ADGRA3: variants seen among roughly 807,000 people sequenced by gnomAD.
The protein encoded by ADGRA3 is adhesion G protein-coupled receptor A3.
Under a neutral mutation model 119.8 loss-of-function variants are expected in ADGRA3, and 56 were observed. The ratio of observed to expected loss-of-function variants is 0.47; its 90% CI spans 0.38 to 0.58. The LOEUF is 0.58. Among genes scored for constraint, ADGRA3 ranks in the 20% least tolerant of loss-of-function variants. ADGRA3 has a pLI of 0.00. For synonymous variants in ADGRA3, 607 were observed against 623.8 expected (o/e 0.97, Z 0.40); for missense variants, 1,516 against 1,649.0 (o/e 0.92, Z 1.40).
intron 1 of ADGRA3, among the ~76,000 whole-genome samples, chr4:22,489,725 C>A (rs1221476544): frequency 6.6e-6 from 1 of 152,156 alleles, no homozygotes; most frequent in East Asian, 1.9e-4. Context: ...GTTTCAATAT[C>A]TTTCCTACAG....
At chr4:22,487,641 G>T (rs1040089712) in intron 1 of ADGRA3, among the ~76,000 whole-genome samples, 1 of 152,102 alleles carries the variant, frequency 6.6e-6, no homozygotes, top group Non-Finnish European at 1.5e-5. Flanking sequence ...TCTAAAGTTG[G>T]AAACACTACA....
chr4:22,441,659 A>G (rs981936646), intron 7 of ADGRA3, among the ~76,000 whole-genome samples: 1 of 152,296 alleles, frequency 6.6e-6, no homozygotes, highest in Non-Finnish European at 1.5e-5. Context: ...TCAGACCTAT[A>G]AACAATACTT....
intron 12 of ADGRA3, chr4:22,414,413 T>C: frequency 2.1e-6 from 1 of 466,074 alleles, no homozygotes; most frequent in Non-Finnish European, 3.8e-6. Context: ...GACTGATCAC[T>C]GAATTTTTTC....
At chr4:22,460,283 A>G (rs994088075) in intron 3 of ADGRA3, among the ~76,000 whole-genome samples, 3 of 152,176 alleles carry the variant, frequency 2.0e-5, no homozygotes, top group Non-Finnish European at 4.4e-5. Flanking sequence ...CACCCAAAAC[A>G]TGTCATGTTG....
At chr4:22,510,309 G>A (rs1407797508) in intron 1 of ADGRA3, among the ~76,000 whole-genome samples, 1 of 152,090 alleles carries the variant, frequency 6.6e-6, no homozygotes, top group Non-Finnish European at 1.5e-5. Context: ...CAGACTCCTG[G>A]CCATCAAATC....
At chr4:22,412,470 T>C (rs908757301) in intron 14 of ADGRA3, among the ~76,000 whole-genome samples, 1 of 152,108 alleles carries the variant, frequency 6.6e-6, no homozygotes, top group Non-Finnish European at 1.5e-5. Context: ...CTAAAACTTT[T>C]CAAAGAAAAT....
chr4:22,396,862 T>A (rs1299852217), intron 16 of ADGRA3, among the ~76,000 whole-genome samples: 1 of 152,140 alleles, frequency 6.6e-6, no homozygotes, highest in Admixed American at 6.6e-5. Context: ...TGGTAGAAAA[T>A]TCCACTCAGG....
Position 22,471,613 on chromosome 4 carries a change from T to C in ADGRA3, c.329+2159A>G, listed in dbSNP as rs2306138. On this transcript the variant is annotated intron_variant, in intron 2 of 18. Coordinates refer to ENST00000334304, the MANE Select transcript of ADGRA3 (RefSeq NM_145290.4). Reference sequence around the variant, plus strand: ...GCCAGGACTCCGGTCTGGACCTTGATGTGTGTGTACTTTGGATGTGCTGAG... The same window carrying C: ...GCCAGGACTCCGGTCTGGACCTTGACGTGTGTGTACTTTGGATGTGCTGAG... Among the ~76,000 whole-genome samples, 1,394 of 152,284 alleles carry C rather than the reference T, an allele frequency of 9.2e-3. 39 individuals carry two copies. Among genetic ancestry groups the C allele is most frequent in the East Asian group, 0.052 (266 of 5,162 alleles).
intron 11 of ADGRA3, among the ~76,000 whole-genome samples, chr4:22,422,947 C>A (rs1715768303): frequency 6.6e-6 from 1 of 152,136 alleles, no homozygotes; most frequent in South Asian, 2.1e-4. Flanking sequence ...GTAATCCCAG[C>A]ACTTTTGGGA....
intron 1 of ADGRA3, among the ~76,000 whole-genome samples, chr4:22,481,160 T>C (rs1018916878): frequency 1.2e-4 from 18 of 152,182 alleles, no homozygotes; most frequent in African/African-American, 2.7e-4. Context: ...TGCTACAACA[T>C]TGTTTATCAA....
At chr4:22,409,547 G>C (rs187670286) in intron 14 of ADGRA3, among the ~76,000 whole-genome samples, 5 of 152,152 alleles carry the variant, frequency 3.3e-5, no homozygotes, top group Admixed American at 3.3e-4. Flanking sequence ...CATCTGTACA[G>C]TGGGGGTGAT....
chr4:22,405,050 C>T (rs1296462637), intron 14 of ADGRA3, among the ~76,000 whole-genome samples: 2 of 152,098 alleles, frequency 1.3e-5, no homozygotes, highest in African/African-American at 4.8e-5. Context: ...AGTTACCTCA[C>T]TGTAAAATGG....
intron 1 of ADGRA3, among the ~76,000 whole-genome samples, chr4:22,495,107 C>T (rs981852439): frequency 6.6e-6 from 1 of 151,996 alleles, no homozygotes; most frequent in African/African-American, 2.4e-5. Context: ...CTATTGTACT[C>T]TCTTCACCCT....
chr4:22,412,837 G>A (rs1340324486), intron 14 of ADGRA3, among the ~76,000 whole-genome samples: 1 of 152,126 alleles, frequency 6.6e-6, no homozygotes, highest in African/African-American at 2.4e-5. Flanking sequence ...TACTCACTGT[G>A]TATCCTTCGG....
At chr4:22,499,025 A>T (rs886667580) in intron 1 of ADGRA3, among the ~76,000 whole-genome samples, 2 of 152,212 alleles carry the variant, frequency 1.3e-5, no homozygotes, top group African/African-American at 4.8e-5. Context: ...CTCAGCTTGT[A>T]AGTGAGGGGC....
chr4:22,461,445 C>A (rs534135466), intron 3 of ADGRA3, among the ~76,000 whole-genome samples: 1 of 152,206 alleles, frequency 6.6e-6, no homozygotes, highest in Non-Finnish European at 1.5e-5. Context: ...GGACTACAGG[C>A]ACACACCACC....
chr4:22,401,372 A>G, intron 16 of ADGRA3, 59 bp downstream of exon 16: 1 of 1,456,858 alleles, frequency 6.9e-7, no homozygotes, highest in South Asian at 1.4e-5. Flanking sequence ...TTTATAGTTA[A>G]TGAAATTATC....
At chr4:22,422,231 C>A (rs1026657) in intron 11 of ADGRA3, among the ~76,000 whole-genome samples, 152,259 of 152,292 alleles carry the variant, frequency 1, 76,113 homozygotes, top group Non-Finnish European at 1. Flanking sequence ...CACCATTCTA[C>A]GTATCACATA....
At chr4:22,439,304 CTG>C (rs1481951117) in intron 7 of ADGRA3, among the ~76,000 whole-genome samples, 5 of 152,110 alleles carry the variant, frequency 3.3e-5, no homozygotes, top group Non-Finnish European at 5.9e-5. Flanking sequence ...CATAAAACAG[CTG>C]TGTTTCTAAA....
Sources: allele counts gnomAD v4.1 joint callset (sites outside exome capture counted in the v4.1 genomes callset), GRCh38; gene constraint gnomAD v4.1.1; transcripts MANE v1.5; gene names NCBI Gene and HGNC (gene_info 2026-07-23, HGNC 2026-07-21).